Variants in ZC3H3 observed in about 807,000 individuals in gnomAD.
ZC3H3 encodes zinc finger CCCH domain-containing protein 3.
ZC3H3 carries 36 observed loss-of-function variants against 77.3 expected under a neutral mutation model. The ratio of observed to expected loss-of-function variants is 0.47; its 90% CI spans 0.36 to 0.61. The LOEUF is 0.61. Ranked by LOEUF, ZC3H3 falls within the 20% of genes least tolerant of loss-of-function variation. The probability of loss-of-function intolerance (pLI) is 0.00; values close to 1 mark genes in which losing one functional copy is unlikely to be tolerated. For synonymous variants in ZC3H3, 626 were observed against 555.2 expected, an observed-to-expected ratio of 1.13 and a Z score of -1.79; for missense variants, 1,331 against 1,312.2, an observed-to-expected ratio of 1.01 and a Z score of -0.22.
Position 143,437,838 on chromosome 8 carries a change from G to T in ZC3H3, c.*218C>A. 1.6e-6 allele frequency: 1 copy of T among 608,938 alleles called. No homozygotes were observed. The highest frequency in any genetic ancestry group is 2.9e-5 in the Admixed American group (1 of 34,642). The allele number at this position is 608,938 out of a possible 1,614,324, so 37.7% of individuals were successfully genotyped here. ...CTGCCTGGCACCCTGGAAGGTGGTG[G>T]GGTGGGGACAGGGGCCTGGCTTGGG... is the stretch of plus-strand genomic sequence containing the variant. On this transcript the variant is annotated 3_prime_UTR_variant, in exon 12 of 12. Transcript: ENST00000262577.
At position 143,530,215 on chromosome 8, in the gene ZC3H3, T is replaced by C. The variant is rs997190356; in HGVS notation, c.1561+6042A>G. ...AGGCCCTTTCTGTCCACCACAGGTG[T>C]GCCCAGGACCTGCCAGGCCCGCACC... On this transcript the variant is annotated intron_variant, in intron 3 of 11. Coordinates refer to ENST00000262577, the MANE Select transcript of ZC3H3 (RefSeq NM_015117.3). This position sits in a 1 kb window ranked among gnomAD's most constrained non-coding sequence, Gnocchi z 4.3. 2.0e-5 allele frequency among the ~76,000 whole-genome samples: 3 copies of C among 151,942 alleles called. No individual in the cohort carries two copies. Among genetic ancestry groups the C allele is most frequent in the Non-Finnish European group, 2.9e-5 (2 of 67,974 alleles).
intron 3 of ZC3H3, among the ~76,000 whole-genome samples, chr8:143,531,769 T>C (rs1289928894): frequency 2.0e-5 from 3 of 152,250 alleles, no homozygotes; most frequent in Non-Finnish European, 4.4e-5. Context: ...TTATATACTC[T>C]GTTCTTGGTG....
Position 143,533,073 on chromosome 8 carries a change from GC to G in ZC3H3, c.1561+3183del, listed in dbSNP as rs1586967565. Among the ~76,000 whole-genome samples the G allele has an allele frequency of 6.6e-6, 1 of 152,104 alleles. No homozygotes were observed. Among genetic ancestry groups the G allele is most frequent in the African/African-American group, 2.4e-5 (1 of 41,416 alleles). ...ACTCGGGCCTGCCAGACACCCCGGG[GC>G]CCTGGACACGCCCCTCCCAGGGTCC... On this transcript the variant is annotated intron_variant, in intron 3 of 11. Transcript: ENST00000262577. The surrounding 1 kb of genome is among the most constrained non-coding windows in gnomAD (Gnocchi z 4.0).
chr8:143,523,428 G>T (rs7837369), intron 3 of ZC3H3: 223,997 of 985,286 alleles, frequency 0.23, 26,184 homozygotes, highest in Non-Finnish European at 0.24. Flanking sequence ...CTGTCTGGAA[G>T]GTGATCTCAG....
At chr8:143,507,051 C>T (rs1341557662) in intron 4 of ZC3H3, among the ~76,000 whole-genome samples, 2 of 152,216 alleles carry the variant, frequency 1.3e-5, no homozygotes. Context: ...GAGCTATTAC[C>T]CTCTCCCAAC....
rs1400710700 is a variant in ZC3H3 at position 143,538,339 on chromosome 8, C to A, written c.1028G>T (p.Gly343Val). The change falls in exon 2 of 12, where the codon GGC becomes GTC. Residue 343 changes from glycine to valine, a missense_variant. This residue lies in a region of ZC3H3 where 978 missense variants were observed against 915.5 expected (regional missense o/e 1.07). Transcript: ENST00000262577. Reference sequence around the variant, plus strand: ...CGGCTTCTCCACCTTGTTTGCCATGCCAGCAGAGGCCTTGCACACATTCTC... The same window carrying A: ...CGGCTTCTCCACCTTGTTTGCCATGACAGCAGAGGCCTTGCACACATTCTC... ...AAENVCKASA[G>V]MANKVEKPQL... is the part of the protein sequence containing the mutation. 6.2e-7 allele frequency: 1 copy of A among 1,612,894 alleles called. No homozygotes were observed. Among genetic ancestry groups the A allele is most frequent in the Non-Finnish European group, 8.5e-7 (1 of 1,180,042 alleles).
chr8:143,541,376 C>T lies in ZC3H3; in HGVS notation c.46G>A (p.Gly16Ser), dbSNP rs949923052. The change falls in exon 1 of 12, where the codon GGT becomes AGT. Residue 16 changes from glycine (G) to serine (S), a missense_variant and splice_region_variant. Physicochemically the swap from Gly to Ser is moderately conservative, Grantham distance 56. Transcript: ENST00000262577. ...GCGTCCCGGCCCCGGCCGGACCTAC[C>T]CTGCAGTAGGCGGATCTGCCGCCGT... ...ILRRQIRLLQ[G>S]LIDDYKTLHG... The T allele has an allele frequency of 6.2e-7, 1 of 1,611,126 alleles. No individual in the cohort carries two copies. The highest frequency in any genetic ancestry group is 8.5e-7 in the Non-Finnish European group (1 of 1,179,314).
intron 9 of ZC3H3, among the ~76,000 whole-genome samples, chr8:143,459,587 A>G (rs1267855247): frequency 6.6e-6 from 1 of 152,132 alleles, no homozygotes; most frequent in African/African-American, 2.4e-5. Context: ...ATCATAACCA[A>G]TTACTCCCAG....
intron 4 of ZC3H3, among the ~76,000 whole-genome samples, chr8:143,502,349 G>A (rs1198236466): frequency 1.3e-5 from 2 of 152,258 alleles, no homozygotes; most frequent in Admixed American, 6.5e-5. Context: ...AAGGAGACAC[G>A]CGTGGGGAGC....
At chr8:143,503,200 G>A (rs940815854) in intron 4 of ZC3H3, among the ~76,000 whole-genome samples, 4 of 152,168 alleles carry the variant, frequency 2.6e-5, no homozygotes, top group East Asian at 1.9e-4. Context: ...AGGGCAACGC[G>A]GCCTCTGATG....
Position 143,533,611 on chromosome 8 carries a change from T to G in ZC3H3, c.1561+2646A>C, listed in dbSNP as rs1024350276. Reference sequence around the variant, plus strand: ...GCCAGTTGGGCCAGTGGTGGGCAAGTGAGTGGGACGCCTTCCCCACCCCTT... The same window carrying G: ...GCCAGTTGGGCCAGTGGTGGGCAAGGGAGTGGGACGCCTTCCCCACCCCTT... On this transcript the variant is annotated intron_variant, in intron 3 of 11. Transcript: ENST00000262577. This position sits in a 1 kb window ranked among gnomAD's most constrained non-coding sequence, Gnocchi z 4.0. 7.3e-5 allele frequency among the ~76,000 whole-genome samples: 11 copies of G among 151,684 alleles called. No individual in the cohort carries two copies. Among genetic ancestry groups the G allele is most frequent in the Non-Finnish European group, 1.6e-4 (11 of 67,966 alleles).
chr8:143,503,272 A>G (rs1821582457), intron 4 of ZC3H3, among the ~76,000 whole-genome samples: 1 of 152,170 alleles, frequency 6.6e-6, no homozygotes, highest in Admixed American at 6.5e-5. Flanking sequence ...TGCCCTTGGC[A>G]TACAGGCACT....
chr8:143,520,104 G>A (rs1193424663), intron 3 of ZC3H3, among the ~76,000 whole-genome samples: 1 of 152,232 alleles, frequency 6.6e-6, no homozygotes, highest in Non-Finnish European at 1.5e-5. Flanking sequence ...GCAGAAGGCA[G>A]GAGCGGTGGG....
chr8:143,523,267 A>T, intron 3 of ZC3H3: 1 of 974,556 alleles, frequency 1.0e-6, no homozygotes, highest in Non-Finnish European at 1.2e-6. Flanking sequence ...GGCTTGCTCC[A>T]CGTCCCCAGG....
rs556851376 is a variant in ZC3H3 at position 143,437,841 on chromosome 8, T to C, written c.*215A>G. On this transcript the variant is annotated 3_prime_UTR_variant, in exon 12 of 12. Coordinates refer to ENST00000262577, the MANE Select transcript of ZC3H3 (RefSeq NM_015117.3). ...CCTGGCACCCTGGAAGGTGGTGGGG[T>C]GGGGACAGGGGCCTGGCTTGGGGGA... 1.8e-5 allele frequency: 11 copies of C among 613,672 alleles called. No homozygotes were observed. Among genetic ancestry groups the C allele is most frequent in the African/African-American group, 7.5e-5 (4 of 53,548 alleles). 38.0% of individuals were successfully genotyped at this position (613,672 alleles called of 1,614,324 possible). A position where few individuals can be genotyped will look rare whatever the true frequency, so the allele number is the denominator to read the frequency against.
intron 9 of ZC3H3, among the ~76,000 whole-genome samples, chr8:143,446,247 C>T (rs1003423139): frequency 6.6e-6 from 1 of 152,192 alleles, no homozygotes; most frequent in African/African-American, 2.4e-5. Flanking sequence ...TGAGCACAAT[C>T]TGGTGTAGAG....
intron 4 of ZC3H3, among the ~76,000 whole-genome samples, chr8:143,505,781 A>C (rs1370527182): frequency 1.3e-5 from 2 of 152,198 alleles, no homozygotes; most frequent in Non-Finnish European, 2.9e-5. Flanking sequence ...CACCAACCAC[A>C]GCCAGGGCCT....
chr8:143,500,806 G>C (rs558714301), intron 4 of ZC3H3, among the ~76,000 whole-genome samples: 1 of 131,856 alleles, frequency 7.6e-6, no homozygotes, highest in African/African-American at 2.9e-5. Context: ...ACACCGTCAC[G>C]TCACAATGTC....
intron 9 of ZC3H3, among the ~76,000 whole-genome samples, chr8:143,457,300 T>C (rs1820147586): frequency 6.6e-6 from 1 of 152,116 alleles, no homozygotes; most frequent in South Asian, 2.1e-4. Context: ...CTCAAAACAC[T>C]TGGAAACTAA....
Sources: allele counts gnomAD v4.1 joint callset (sites outside exome capture counted in the v4.1 genomes callset), GRCh38; gene constraint gnomAD v4.1.1; regional missense constraint gnomAD v4.1.1; non-coding constraint Gnocchi (gnomAD v3.1); transcripts MANE v1.5; gene names NCBI Gene and HGNC (gene_info 2026-07-23, HGNC 2026-07-21).